Variants in SORCS2 observed in about 807,000 individuals in gnomAD.
The protein encoded by SORCS2 is VPS10 domain-containing receptor SorCS2.
A neutral mutation model predicts 141.6 loss-of-function variants in SORCS2; 100 were observed. The ratio of observed to expected loss-of-function variants is 0.71; its 90% CI spans 0.60 to 0.83. SORCS2 has a LOEUF of 0.83. Among genes scored for constraint, SORCS2 ranks in the 40% least tolerant of loss-of-function variants. SORCS2 has a pLI of 0.00. For missense variants in SORCS2, 1,646 were observed against 1,560.2 expected, an observed-to-expected ratio of 1.05 and a Z score of -0.93; for synonymous variants, 789 against 676.9, an observed-to-expected ratio of 1.17 and a Z score of -2.57.
intron 1 of SORCS2, among the ~76,000 whole-genome samples, chr4:7,359,935 G>C (rs535648028): frequency 6.6e-6 from 1 of 152,150 alleles, no homozygotes; most frequent in Non-Finnish European, 1.5e-5. Flanking sequence ...TGCTCTTCAC[G>C]GGGAAAGGAA....
At chr4:7,705,062 T>C (rs1410762806) in intron 14 of SORCS2, among the ~76,000 whole-genome samples, 1 of 152,030 alleles carries the variant, frequency 6.6e-6, no homozygotes, top group East Asian at 1.9e-4. Flanking sequence ...TATTTGGAAA[T>C]GGGGTTATTG....
At chr4:7,491,741 C>G (rs1273501556) in intron 2 of SORCS2, among the ~76,000 whole-genome samples, 1 of 152,204 alleles carries the variant, frequency 6.6e-6, no homozygotes, top group African/African-American at 2.4e-5. Flanking sequence ...GCAGCCCACC[C>G]ACCCCCCGTT....
chr4:7,675,926 G>A (rs1001059010), intron 8 of SORCS2, 124 bp from the exon 9 acceptor site: 2 of 1,132,934 alleles, frequency 1.8e-6, no homozygotes, highest in Non-Finnish European at 2.5e-6. Context: ...GCAAACCTAG[G>A]CCAGGCTGGC....
At chr4:7,434,211 G>A (rs752907978) in intron 2 of SORCS2, 1 of 1,613,740 alleles carries the variant, frequency 6.2e-7, no homozygotes, top group Non-Finnish European at 8.5e-7. Context: ...AGTTCTTGCA[G>A]AGGACGGCCA....
chr4:7,594,377 G>A (rs1717120536), intron 3 of SORCS2, among the ~76,000 whole-genome samples: 1 of 152,228 alleles, frequency 6.6e-6, no homozygotes, highest in Non-Finnish European at 1.5e-5. Flanking sequence ...ATGGATGGAG[G>A]TCTTTCCCTC....
rs117282219 is a variant in SORCS2 at position 7,356,290 on chromosome 4, G to A, written c.481-39998G>A. ...GTTTTCTGTCTTGGCCCCTGCGTTA[G>A]TTTGCCTGGGCTGCTGTAACAGAAT... On this transcript the variant is annotated intron_variant, in intron 1 of 26. Coordinates refer to ENST00000507866, the MANE Select transcript of SORCS2 (RefSeq NM_020777.3). 1.2e-3 allele frequency among the ~76,000 whole-genome samples: 181 copies of A among 152,340 alleles called. 2 individuals carry two copies. In the East Asian group the frequency reaches 0.023, roughly 19 times the overall value.
At position 7,638,322 on chromosome 4, in the gene SORCS2, T is replaced by C. The variant is rs1720406032; in HGVS notation, c.649-6T>C. 2.7e-6 allele frequency: 4 copies of C among 1,499,452 alleles called. No homozygotes were observed. Among genetic ancestry groups the C allele is most frequent in the African/African-American group, 2.9e-5 (2 of 68,918 alleles). The allele number at this position is 1,499,452 out of a possible 1,614,324, so 92.9% of individuals were successfully genotyped here. A position where few individuals can be genotyped will look rare whatever the true frequency, so the allele number is the denominator to read the frequency against. ...CCCAGGCCTCACAACCCGCTTTGTG[T>C]TTCAGGTCATCCTTGTCAGCTCCTC... is the stretch of plus-strand genomic sequence containing the variant. On this transcript the variant is annotated splice_region_variant and splice_polypyrimidine_tract_variant and intron_variant, in intron 3 of 26. Coordinates refer to ENST00000507866, the MANE Select transcript of SORCS2 (RefSeq NM_020777.3).
intron 1 of SORCS2, among the ~76,000 whole-genome samples, chr4:7,317,562 C>T (rs1718641499): frequency 6.6e-6 from 1 of 152,166 alleles, no homozygotes; most frequent in Non-Finnish European, 1.5e-5. Flanking sequence ...CCGCCTCCCT[C>T]CAAGGAGCCC....
At chr4:7,270,037 G>A (rs1715011279) in intron 1 of SORCS2, among the ~76,000 whole-genome samples, 1 of 152,222 alleles carries the variant, frequency 6.6e-6, no homozygotes. Flanking sequence ...CTGCCACCAT[G>A]TGTGGCTAAT....
chr4:7,514,192 C>A (rs1366818266), intron 2 of SORCS2, among the ~76,000 whole-genome samples: 3 of 152,134 alleles, frequency 2.0e-5, no homozygotes, highest in Non-Finnish European at 4.4e-5. Context: ...CCAGACCAGG[C>A]CACAGCTATG....
In SORCS2 at chr4:7,668,813, AC is replaced by A. The variant is rs1722644261; in HGVS notation, c.1161+1601del. On this transcript the variant is annotated intron_variant, in intron 8 of 26. Coordinates refer to ENST00000507866, the MANE Select transcript of SORCS2 (RefSeq NM_020777.3). ...AGCCTTCCCTCGACCTTTGGGGGCTACAGCATTAGAAGCTCCTGTGTCCTGG... is the reference window on the plus strand; with the variant it reads ...AGCCTTCCCTCGACCTTTGGGGGCTAAGCATTAGAAGCTCCTGTGTCCTGG... Among the ~76,000 whole-genome samples, 3 of 152,192 alleles carry A rather than the reference AC, an allele frequency of 2.0e-5. No individual in the cohort carries two copies. The South Asian group carries it at 6.2e-4, about 32-fold the overall frequency.
intron 1 of SORCS2, among the ~76,000 whole-genome samples, chr4:7,363,300 A>G (rs893125856): frequency 6.6e-6 from 1 of 151,570 alleles, no homozygotes; most frequent in Non-Finnish European, 1.5e-5. Flanking sequence ...TACCACCACT[A>G]CCTTCACTGC....
intron 2 of SORCS2, among the ~76,000 whole-genome samples, chr4:7,500,751 G>GAAACTCAGGGAGGCCC (rs753431835): frequency 6.6e-6 from 1 of 152,218 alleles, no homozygotes; most frequent in Non-Finnish European, 1.5e-5. Context: ...AGCTGAGGCT[G>GAAACTCAGGGAGGCCC]TAACTCAGGG....
intron 14 of SORCS2, 33 bp downstream of exon 14, chr4:7,704,317 G>A (rs1725277270): frequency 1.3e-6 from 2 of 1,566,768 alleles, no homozygotes; most frequent in East Asian, 2.3e-5. Flanking sequence ...GGGCACTGGT[G>A]GCAGGGCAGA....
intron 5 of SORCS2, among the ~76,000 whole-genome samples, chr4:7,659,311 C>A (rs962851757): frequency 5.9e-5 from 9 of 152,292 alleles, no homozygotes; most frequent in South Asian, 2.1e-4. Flanking sequence ...ATCCGTACTC[C>A]CCTCCTGGGA....
chr4:7,451,519 G>A (rs888811766), intron 2 of SORCS2, among the ~76,000 whole-genome samples: 1 of 152,278 alleles, frequency 6.6e-6, no homozygotes, highest in Non-Finnish European at 1.5e-5. Context: ...TACTCCTGAA[G>A]AGTGTTCAGT....
At chr4:7,705,101 T>C (rs528221336) in intron 14 of SORCS2, among the ~76,000 whole-genome samples, 74 of 152,268 alleles carry the variant, frequency 4.9e-4, no homozygotes, top group Non-Finnish European at 2.5e-4. Context: ...GATGAGGCCA[T>C]GGAGTAGGGC....
At chr4:7,219,553 G>A (rs1217449020) in intron 1 of SORCS2, among the ~76,000 whole-genome samples, 1 of 152,218 alleles carries the variant, frequency 6.6e-6, no homozygotes, top group African/African-American at 2.4e-5. Context: ...CGATCATGGT[G>A]GAAGGGGAAG....
chr4:7,738,128 G>A lies in SORCS2; in HGVS notation c.3415+956G>A, dbSNP rs145872763. 6.2e-4 allele frequency among the ~76,000 whole-genome samples: 95 copies of A among 152,364 alleles called. 2 individuals carry two copies. In the East Asian group the frequency reaches 0.017, roughly 27 times the overall value. ...GGGACACGGACTGCATCCCTCAGCC[G>A]CAGTCAGAGCATGATGCCATCCAGC... On this transcript the variant is annotated intron_variant, in intron 26 of 26. Coordinates refer to ENST00000507866, the MANE Select transcript of SORCS2 (RefSeq NM_020777.3).
Sources: gnomAD v4.1 joint callset for allele counts (sites outside exome capture counted in the v4.1 genomes callset) on GRCh38, gnomAD v4.1.1 for gene constraint, MANE v1.5 for transcripts, NCBI Gene and HGNC (gene_info 2026-07-23, HGNC 2026-07-21) for gene names.